The following DMXL1 variants were observed in gnomAD, a reference collection of about 807,000 sequenced individuals.
DMXL1 encodes the protein Dmx like 1, also known as dmX-like protein 1.
In DMXL1, 99 loss-of-function variants were observed where a neutral mutation model predicts 319.2. The ratio of observed to expected loss-of-function variants is 0.31; its 90% confidence interval spans 0.26 to 0.37. DMXL1 has a LOEUF of 0.37. DMXL1 is among the 10% of genes least tolerant of loss of function. The pLI is 1.00. For synonymous variants in DMXL1, 1,385 were observed against 1,235.2 expected (o/e 1.12, Z -2.54); for missense variants, 3,745 against 3,595.6 (o/e 1.04, Z -1.06).
rs747661659 is a variant in DMXL1 at position 119,071,563 on chromosome 5, C to A, written c.-7C>A. ...TGCGGTGTCCGTTGCAGGACTAGGGCGCCGACATGAACCTGCACCAGGTGC... is the reference window on the plus strand; with the variant it reads ...TGCGGTGTCCGTTGCAGGACTAGGGAGCCGACATGAACCTGCACCAGGTGC... On this transcript the variant is annotated 5_prime_UTR_variant, in exon 1 of 44. Coordinates refer to ENST00000539542, the MANE Select transcript of DMXL1 (RefSeq NM_001290321.3). The A allele has an allele frequency of 1.9e-6, 3 of 1,601,416 alleles. No homozygotes were observed. The highest frequency in any genetic ancestry group is 1.7e-6 in the Non-Finnish European group (2 of 1,174,268).
intron 10 of DMXL1, chr5:119,132,766 AG>A (rs1765216733): frequency 9.2e-6 from 5 of 542,716 alleles, no homozygotes; most frequent in South Asian, 7.0e-5. Context: ...TCACCACCAA[AG>A]GTAAACGATT....
intron 29 of DMXL1, among the ~76,000 whole-genome samples, chr5:119,191,224 C>T (rs1778646817): frequency 6.6e-6 from 1 of 152,180 alleles, no homozygotes; most frequent in African/African-American, 2.4e-5. Context: ...AAAACAAGGA[C>T]TGCCTATATA....
At chr5:119,125,799 C>T (rs941138006) in intron 9 of DMXL1, among the ~76,000 whole-genome samples, 8 of 152,050 alleles carry the variant, frequency 5.3e-5, no homozygotes, top group African/African-American at 1.7e-4. Flanking sequence ...CTCCTGACCT[C>T]GTGATCCACC....
chr5:119,129,037 A>G (rs753844027), intron 9 of DMXL1, among the ~76,000 whole-genome samples, 174 bp from the exon 10 acceptor site: 18 of 152,164 alleles, frequency 1.2e-4, no homozygotes, highest in Non-Finnish European at 2.2e-4. Context: ...CAGCCTGGCA[A>G]CAGAGCGAAA....
intron 5 of DMXL1, 134 bp downstream of exon 5, chr5:119,110,417 A>T (rs1195949054): frequency 5.5e-6 from 4 of 723,732 alleles, no homozygotes; most frequent in East Asian, 3.2e-5. Context: ...GCTTTTTCTT[A>T]TACACAGATA....
intron 28 of DMXL1, chr5:119,178,609 A>G (rs1776260409): frequency 2.0e-6 from 2 of 985,314 alleles, no homozygotes; most frequent in Non-Finnish European, 2.4e-6. Context: ...CCCACCAGGT[A>G]GTGGTATTCT....
intron 2 of DMXL1, among the ~76,000 whole-genome samples, chr5:119,100,903 C>A (rs1757122218): frequency 6.6e-6 from 1 of 151,310 alleles, no homozygotes; most frequent in Non-Finnish European, 1.5e-5. Context: ...CCTCAGCCTC[C>A]CGAGTAGCTG....
At chr5:119,169,762 A>G (rs1469815407) in intron 23 of DMXL1, among the ~76,000 whole-genome samples, 1 of 152,218 alleles carries the variant, frequency 6.6e-6, no homozygotes, top group African/African-American at 2.4e-5. Context: ...CATGGGGACT[A>G]TATGAATTCA....
At chr5:119,202,885 T>TACATACA (rs1554139437) in intron 32 of DMXL1, among the ~76,000 whole-genome samples, 1 of 130,792 alleles carries the variant, frequency 7.6e-6, no homozygotes, top group Admixed American at 8.0e-5. Context: ...ATATATATTT[T>TACATACA]TATATATATA....
chr5:119,089,614 T>A (rs989645508), intron 1 of DMXL1, among the ~76,000 whole-genome samples: 1 of 135,582 alleles, frequency 7.4e-6, no homozygotes, highest in Admixed American at 8.0e-5. Context: ...GCGACTTCAT[T>A]TTTGGTACTG....
chr5:119,167,903 T>A, intron 23 of DMXL1, 39 bp downstream of exon 23: 1 of 1,578,772 alleles, frequency 6.3e-7, no homozygotes, highest in Non-Finnish European at 8.6e-7. Context: ...TTAAGAATAT[T>A]ATTGGTAATT....
rs1317607413 is a variant in DMXL1, at chr5:119,120,989, C to T, written c.952C>T (p.Arg318Cys). The T allele has an allele frequency of 2.3e-5, 37 of 1,607,050 alleles. No individual in the cohort carries two copies. Among genetic ancestry groups the T allele is most frequent in the Non-Finnish European group, 3.0e-5 (35 of 1,178,148 alleles). Residue 318 changes from arginine to cysteine, a missense_variant, in exon 9 of 44, where the codon CGT (arginine) becomes TGT (cysteine). Around this residue, in one of 4 missense-constraint regions of DMXL1, gnomAD observed 2,096 missense variants for 1,985.4 expected, o/e 1.06. Coordinates refer to ENST00000539542, the MANE Select transcript of DMXL1 (RefSeq NM_001290321.3). ...NALEVNLRHF[R>C]RGRRRSLALV... Reference sequence around the variant, plus strand: ...CACACAGGTAAATCTGAGACATTTTCGTAGAGGTCGGAGGAGATCACTTGC... The same window carrying T: ...CACACAGGTAAATCTGAGACATTTTTGTAGAGGTCGGAGGAGATCACTTGC...
chr5:119,210,503 T>C (rs905373397), intron 34 of DMXL1, among the ~76,000 whole-genome samples: 3 of 152,208 alleles, frequency 2.0e-5, no homozygotes, highest in African/African-American at 7.2e-5. Flanking sequence ...TTTGCATCTG[T>C]ATGTCAATTG....
chr5:119,084,002 T>C (rs1013523442), intron 1 of DMXL1, among the ~76,000 whole-genome samples: 5 of 152,218 alleles, frequency 3.3e-5, no homozygotes, highest in East Asian at 3.8e-4. Context: ...TGAGATGATA[T>C]ATGTTTATAG....
intron 38 of DMXL1, among the ~76,000 whole-genome samples, chr5:119,229,283 A>T (rs2150653270): frequency 6.6e-6 from 1 of 152,318 alleles, no homozygotes; most frequent in Non-Finnish European, 1.5e-5. Flanking sequence ...GAAGCACAGG[A>T]AATTATCTTG....
chr5:119,139,481 TCAGA>T (rs762679597), intron 13 of DMXL1, among the ~76,000 whole-genome samples: 5 of 152,172 alleles, frequency 3.3e-5, no homozygotes, highest in Non-Finnish European at 1.5e-5. Flanking sequence ...CATCCTGATT[TCAGA>T]CAAAGCAGAC....
At chr5:119,153,863 C>T (rs1401146415) in intron 19 of DMXL1, among the ~76,000 whole-genome samples, 1 of 152,226 alleles carries the variant, frequency 6.6e-6, no homozygotes, top group Non-Finnish European at 1.5e-5. Context: ...AGCTTTGTGG[C>T]AACCGTTTGT....
intron 19 of DMXL1, among the ~76,000 whole-genome samples, chr5:119,155,023 A>C (rs1270982391): frequency 6.6e-6 from 1 of 152,250 alleles, no homozygotes; most frequent in Non-Finnish European, 1.5e-5. Flanking sequence ...TAATTTACTG[A>C]ATATTTGCAG....
chr5:119,186,063 GA>G (rs928569690), intron 28 of DMXL1, among the ~76,000 whole-genome samples: 10 of 152,186 alleles, frequency 6.6e-5, no homozygotes, highest in Non-Finnish European at 8.8e-5. Context: ...CTGAAAGCAA[GA>G]AATAAATTTG....
Sources: allele counts gnomAD v4.1 joint callset (sites outside exome capture counted in the v4.1 genomes callset), GRCh38; gene constraint gnomAD v4.1.1; regional missense constraint gnomAD v4.1.1; transcripts MANE v1.5; gene names NCBI Gene and HGNC (gene_info 2026-07-23, HGNC 2026-07-21).